TCF12: variants seen among roughly 807,000 people sequenced by gnomAD.
TCF12 encodes the protein transcription factor 12, also known as DNA-binding protein HTF4.
A neutral mutation model predicts 86.0 loss-of-function variants in TCF12; 45 were observed. The observed-to-expected ratio is 0.52, with a 90% confidence interval of 0.41 to 0.67. The LOEUF (loss-of-function observed/expected upper bound fraction) is 0.67. Among genes scored for constraint, TCF12 ranks in the 30% least tolerant of loss-of-function variants. The pLI is 0.00. For missense variants in TCF12, 881 were observed against 859.9 expected (o/e 1.02, Z -0.31); for synonymous variants, 330 against 299.6 (o/e 1.10, Z -1.05).
At chr15:56,949,658 A>G (rs1474177106) in intron 3 of TCF12, among the ~76,000 whole-genome samples, 1 of 152,242 alleles carries the variant, frequency 6.6e-6, no homozygotes, top group Admixed American at 6.5e-5. Context: ...TATACTTAAC[A>G]TATAATTTGT....
chr15:57,056,711 GGC>G (rs2068058380), intron 3 of TCF12, among the ~76,000 whole-genome samples: 1 of 151,480 alleles, frequency 6.6e-6, no homozygotes, highest in African/African-American at 2.4e-5. Flanking sequence ...CACCTGCCTT[GGC>G]CTCCCAAAGT....
chr15:57,229,269 G>T (rs550733974), intron 8 of TCF12, among the ~76,000 whole-genome samples: 3 of 152,002 alleles, frequency 2.0e-5, no homozygotes, highest in African/African-American at 7.2e-5. Context: ...AGACACATTG[G>T]TATATAGTCA....
chr15:56,918,209 G>C (rs1253123858), upstream of TCF12: 2 of 456,268 alleles, frequency 4.4e-6, no homozygotes, highest in Non-Finnish European at 4.4e-6. Context: ...TGACCTACTC[G>C]GGAATGGCAG....
At chr15:57,021,190 G>T (rs770881507) in intron 3 of TCF12, among the ~76,000 whole-genome samples, 10 of 152,174 alleles carry the variant, frequency 6.6e-5, no homozygotes, top group African/African-American at 1.4e-4. Context: ...AGCATTTCTT[G>T]TTAGTCATTG....
chr15:56,943,451 T>C (rs1163606724), intron 3 of TCF12, among the ~76,000 whole-genome samples: 3 of 152,210 alleles, frequency 2.0e-5, no homozygotes, highest in African/African-American at 7.2e-5. Flanking sequence ...ATAAAAAGCC[T>C]TCAATAAAAT....
chr15:57,170,722 T>TATATAATATATTATATATAA (rs1427301623), intron 6 of TCF12, among the ~76,000 whole-genome samples: 1 of 25,890 alleles, frequency 3.9e-5, no homozygotes, highest in African/African-American at 1.1e-4. Context: ...AATATATATA[T>TATATAATATATTATATATAA]TATATATTAT....
chr15:56,926,465 T>G (rs1395741269), intron 3 of TCF12, among the ~76,000 whole-genome samples: 2 of 152,194 alleles, frequency 1.3e-5, no homozygotes, highest in Non-Finnish European at 2.9e-5. Context: ...GTCAGGGAAC[T>G]GGCTTAAGGA....
chr15:57,223,487 A>C (rs2058697933), intron 8 of TCF12, among the ~76,000 whole-genome samples: 1 of 151,922 alleles, frequency 6.6e-6, no homozygotes, highest in African/African-American at 2.4e-5. Flanking sequence ...CATGAATACT[A>C]ATTGATGTGG....
At chr15:57,244,974 G>C (rs922904838) in intron 13 of TCF12, among the ~76,000 whole-genome samples, 2 of 152,136 alleles carry the variant, frequency 1.3e-5, no homozygotes, top group African/African-American at 2.4e-5. Context: ...GCAGTGTTTG[G>C]AGAAAAGCCT....
At chr15:57,101,933 G>C (rs2151176579) in intron 5 of TCF12, among the ~76,000 whole-genome samples, 1 of 152,202 alleles carries the variant, frequency 6.6e-6, no homozygotes, top group Non-Finnish European at 1.5e-5. Context: ...ACTTGTCCCT[G>C]GTATTAGGGA....
At chr15:57,241,098 G>T (rs2059605684) in intron 12 of TCF12, among the ~76,000 whole-genome samples, 1 of 147,738 alleles carries the variant, frequency 6.8e-6, no homozygotes, top group Non-Finnish European at 1.5e-5. Context: ...CAATAATATT[G>T]ATTTTTTTTT....
intron 12 of TCF12, among the ~76,000 whole-genome samples, chr15:57,240,653 A>C (rs1159961011): frequency 6.6e-6 from 1 of 152,138 alleles, no homozygotes; most frequent in South Asian, 2.1e-4. Context: ...AGGCCAAAGC[A>C]GGCAGATCAC....
chr15:57,049,669 A>T lies in TCF12; in HGVS notation c.149-14081A>T, dbSNP rs565642985. 1.6e-4 allele frequency among the ~76,000 whole-genome samples: 25 copies of T among 152,350 alleles called. No individual in the cohort carries two copies. In the South Asian group the frequency reaches 5.0e-3, roughly 30 times the overall value. On this transcript the variant is annotated intron_variant, in intron 3 of 20. Transcript: ENST00000333725. ...TGGCTATTACAAATAAAGCTGCTATAAACAGTTTTGTGTAATTCTGTTTGT... is the reference window on the plus strand; with the variant it reads ...TGGCTATTACAAATAAAGCTGCTATTAACAGTTTTGTGTAATTCTGTTTGT...
At chr15:57,111,226 G>A (rs1477564962) in intron 5 of TCF12, among the ~76,000 whole-genome samples, 2 of 152,028 alleles carry the variant, frequency 1.3e-5, no homozygotes, top group African/African-American at 2.4e-5. Context: ...CACCCTGGAC[G>A]GAGTCATGGA....
In TCF12 at chr15:57,219,978, G is replaced by A. The variant is rs549102263; in HGVS notation, c.580-11174G>A. Among the ~76,000 whole-genome samples the A allele has an allele frequency of 1.3e-3, 198 of 151,974 alleles. 1 individual carries two copies. Among genetic ancestry groups the A allele is most frequent in the Non-Finnish European group, 2.3e-3 (153 of 67,954 alleles). On this transcript the variant is annotated intron_variant, in intron 8 of 20. Transcript: ENST00000333725. Reference sequence around the variant, plus strand: ...TGACCTCAGGTGATCCACCCGCCTCGGCCTCCCAAAATGCTGGAATTACAG... The same window carrying A: ...TGACCTCAGGTGATCCACCCGCCTCAGCCTCCCAAAATGCTGGAATTACAG...
intron 8 of TCF12, among the ~76,000 whole-genome samples, chr15:57,221,523 C>G (rs902297832): frequency 9.5e-5 from 14 of 147,668 alleles, no homozygotes; most frequent in African/African-American, 3.3e-4. Context: ...TTACATTTCT[C>G]TTTGTTCTAC....
intron 3 of TCF12, among the ~76,000 whole-genome samples, chr15:57,063,000 G>A (rs1323171335): frequency 2.6e-5 from 4 of 152,120 alleles, no homozygotes; most frequent in South Asian, 2.1e-4. Flanking sequence ...GGACTGATTC[G>A]GAGGTGAAAA....
chr15:56,962,003 G>A (rs991181934), intron 3 of TCF12, among the ~76,000 whole-genome samples: 1 of 151,570 alleles, frequency 6.6e-6, no homozygotes, highest in African/African-American at 2.4e-5. Flanking sequence ...GTGGTGGCGG[G>A]CGCCTGTAGT....
In TCF12 at chr15:57,035,907, G is replaced by T. The variant is rs76433133; in HGVS notation, c.149-27843G>T. 6.8e-3 allele frequency among the ~76,000 whole-genome samples: 1,030 copies of T among 152,296 alleles called. 8 individuals are homozygous for T. Among genetic ancestry groups the T allele is most frequent in the Middle Eastern group, 0.027 (8 of 294 alleles). ...CTCCTGAGCTCCACCTCCCAGATCA[G>T]CAGCGGCATTAGATTCTCATAGGAA... On this transcript the variant is annotated intron_variant, in intron 3 of 20. Transcript: ENST00000333725.
Sources: allele counts gnomAD v4.1 joint callset (sites outside exome capture counted in the v4.1 genomes callset), GRCh38; gene constraint gnomAD v4.1.1; transcripts MANE v1.5; gene names NCBI Gene and HGNC (gene_info 2026-07-23, HGNC 2026-07-21).